GLIS3: variants seen among roughly 807,000 people sequenced by gnomAD.
GLIS3 encodes GLIS family zinc finger 3.
In GLIS3, 53 loss-of-function variants were observed where a neutral mutation model predicts 78.6. The observed-to-expected ratio is 0.67, with a 90% CI of 0.54 to 0.85. The LOEUF (loss-of-function observed/expected upper bound fraction) is 0.85. Among genes scored for constraint, GLIS3 ranks in the 40% least tolerant of loss-of-function variants. GLIS3 has a pLI of 0.00. For synonymous variants in GLIS3, 684 were observed against 509.9 expected (o/e 1.34, Z -4.60); for missense variants, 1,703 against 1,231.1 (o/e 1.38, Z -5.74).
At chr9:4,214,241 C>G (rs752818446) in intron 2 of GLIS3, among the ~76,000 whole-genome samples, 1 of 152,136 alleles carries the variant, frequency 6.6e-6, no homozygotes, top group African/African-American at 2.4e-5. Flanking sequence ...CTTTCAAGTG[C>G]GCATTTTTGT....
chr9:3,907,597 AC>A (rs747018820), intron 6 of GLIS3, among the ~76,000 whole-genome samples: 2 of 95,592 alleles, frequency 2.1e-5, no homozygotes, highest in South Asian at 3.7e-4. Context: ...AGCATCCTCC[AC>A]CCCCCAAACA....
the GLIS3 span, among the ~76,000 whole-genome samples, chr9:4,416,818 T>TTG: frequency 7.0e-6 from 1 of 142,314 alleles, no homozygotes; most frequent in Non-Finnish European, 1.5e-5. Flanking sequence ...GTCAGTTTTT[T>TTG]TTTTTTTTTT....
chr9:4,277,024 G>A (rs895290124), intron 2 of GLIS3, among the ~76,000 whole-genome samples: 2 of 151,972 alleles, frequency 1.3e-5, no homozygotes, highest in South Asian at 4.2e-4. Flanking sequence ...TTAAAAAGCA[G>A]AAGTGAAAAA....
chr9:4,489,906 C>A, the GLIS3 span, among the ~76,000 whole-genome samples: 2 of 152,232 alleles, frequency 1.3e-5, no homozygotes, highest in Non-Finnish European at 2.9e-5. Flanking sequence ...TGTGGGGGCA[C>A]TGGAGGCTCC....
chr9:4,278,376 G>A (rs935786952), intron 2 of GLIS3, among the ~76,000 whole-genome samples: 1 of 152,178 alleles, frequency 6.6e-6, no homozygotes, highest in Non-Finnish European at 1.5e-5. Flanking sequence ...GCAAATAAAA[G>A]TGAGCCTAGA....
chr9:3,905,401 T>A (rs371694222), intron 6 of GLIS3, among the ~76,000 whole-genome samples: 19 of 152,150 alleles, frequency 1.2e-4, no homozygotes, highest in Admixed American at 3.9e-4. Context: ...TTATCACCAC[T>A]GTGTATATTC....
the GLIS3 span, among the ~76,000 whole-genome samples, chr9:4,429,598 C>G: frequency 6.6e-6 from 1 of 152,116 alleles, no homozygotes; most frequent in South Asian, 2.1e-4. Flanking sequence ...GTGCTTGACC[C>G]CATGACAATT....
chr9:3,973,952 T>C lies in GLIS3; in HGVS notation c.1711-36763A>G, dbSNP rs1818571181. Among the ~76,000 whole-genome samples the C allele has an allele frequency of 2.0e-5, 3 of 152,186 alleles. No individual in the cohort carries two copies. The South Asian group carries it at 6.2e-4, about 31-fold the overall frequency. On this transcript the variant is annotated intron_variant, in intron 4 of 10. Transcript: ENST00000381971. ...AATCTCAAGCCTCACAGATCTATGT[T>C]AGATTTCTTAAAAGAAAATTCTTAT...
chr9:4,380,215 T>C, the GLIS3 span, among the ~76,000 whole-genome samples: 1 of 152,242 alleles, frequency 6.6e-6, no homozygotes, highest in South Asian at 2.1e-4. Context: ...CAGAATAAAT[T>C]TGCCTTCTTG....
At chr9:4,032,855 CT>C (rs537474142) in intron 4 of GLIS3, among the ~76,000 whole-genome samples, 1,554 of 145,820 alleles carry the variant, frequency 0.011, 18 homozygotes, top group African/African-American at 0.034. Context: ...ATTGAGAATT[CT>C]TTTTTTTTTT....
chr9:4,302,874 G>A (rs1197444830), upstream of GLIS3, among the ~76,000 whole-genome samples: 1 of 152,200 alleles, frequency 6.6e-6, no homozygotes, highest in Non-Finnish European at 1.5e-5. Context: ...ACATGGAGTA[G>A]CTTGGCTGTT....
chr9:4,141,832 C>G (rs886223004), intron 2 of GLIS3, among the ~76,000 whole-genome samples: 1 of 152,218 alleles, frequency 6.6e-6, no homozygotes, highest in Non-Finnish European at 1.5e-5. Context: ...CATCACAAAT[C>G]TCAACACACA....
the GLIS3 span, among the ~76,000 whole-genome samples, chr9:4,414,330 C>G: frequency 6.6e-6 from 1 of 152,152 alleles, no homozygotes; most frequent in Admixed American, 6.5e-5. Flanking sequence ...ATTTTTTAAG[C>G]ACTTCAGAGA....
the GLIS3 span, among the ~76,000 whole-genome samples, chr9:4,416,420 T>C: frequency 6.6e-6 from 1 of 152,178 alleles, no homozygotes. Context: ...TATTGCTATG[T>C]AGTACACTGT....
intron 4 of GLIS3, among the ~76,000 whole-genome samples, chr9:3,980,629 C>A (rs946035691): frequency 6.6e-6 from 1 of 152,162 alleles, no homozygotes; most frequent in African/African-American, 2.4e-5. Context: ...TCTGTATGTT[C>A]AGAGTGATAA....
the GLIS3 span, among the ~76,000 whole-genome samples, chr9:4,454,330 G>C: frequency 2.6e-5 from 4 of 152,094 alleles, 1 homozygote; most frequent in Non-Finnish European, 5.9e-5. Flanking sequence ...ATATAAAATG[G>C]GGTTGAGACT....
the GLIS3 span, among the ~76,000 whole-genome samples, chr9:4,463,807 G>C: frequency 2.0e-5 from 3 of 152,150 alleles, no homozygotes; most frequent in Non-Finnish European, 2.9e-5. Flanking sequence ...AAATTTCCAA[G>C]TTTTTTCATG....
chr9:4,153,880 G>T (rs1235682133), intron 2 of GLIS3, among the ~76,000 whole-genome samples: 1 of 152,258 alleles, frequency 6.6e-6, no homozygotes, highest in East Asian at 1.9e-4. Flanking sequence ...TGGTTCTAGG[G>T]GTTGACTGGG....
chr9:4,286,067 C>T lies in GLIS3; in HGVS notation c.359G>A (p.Gly120Glu), dbSNP rs1240701725. 1.2e-6 allele frequency: 2 copies of T among 1,613,786 alleles called. No homozygotes were observed. Among genetic ancestry groups the T allele is most frequent in the Non-Finnish European group, 1.7e-6 (2 of 1,179,844 alleles). ...HTLKPKQQEFGSPFPPNPGKG... is the reference protein window; with the variant it reads ...HTLKPKQQEFESPFPPNPGKG... ...CCCAGGATTTGGAGGAAAAGGGCTT[C>T]CAAACTCCTGCTGCTTTGGCTTTAA... Residue 120 changes from glycine to glutamate, a missense_variant, in exon 2 of 11, where the codon GGA becomes GAA. Transcript: ENST00000381971.
Sources: allele counts gnomAD v4.1 joint callset (sites outside exome capture counted in the v4.1 genomes callset), GRCh38; gene constraint gnomAD v4.1.1; transcripts MANE v1.5; gene names NCBI Gene and HGNC (gene_info 2026-07-23, HGNC 2026-07-21).